Variants in LRRC18 observed in about 807,000 individuals in gnomAD.
The protein encoded by LRRC18 is leucine rich repeat containing 18.
Under a neutral mutation model 11.2 loss-of-function variants are expected in LRRC18, and 12 were observed. The observed-to-expected ratio is 1.07, with a 90% CI of 0.69 to 1.74. LRRC18 has a LOEUF of 1.74. Ranked by LOEUF, LRRC18 falls within the 40% of genes most tolerant of loss-of-function variation. The probability of loss-of-function intolerance (pLI) is 0.00; values close to 1 mark genes in which losing one functional copy is unlikely to be tolerated. For synonymous variants in LRRC18, 155 were observed against 130.6 expected, an observed-to-expected ratio of 1.19 and a Z score of -1.27; for missense variants, 374 against 330.5, an observed-to-expected ratio of 1.13 and a Z score of -1.02.
chr10:48,922,061 T>C, the LRRC18 span, among the ~76,000 whole-genome samples: 1 of 152,160 alleles, frequency 6.6e-6, no homozygotes, highest in Non-Finnish European at 1.5e-5. Context: ...AACAGAAAAA[T>C]AATAAATGTC....
upstream of LRRC18, among the ~76,000 whole-genome samples, chr10:48,914,767 C>T (rs1838350554): frequency 6.6e-6 from 1 of 152,144 alleles, no homozygotes; most frequent in South Asian, 2.1e-4. Flanking sequence ...GGCTACAGTC[C>T]AACAGTAGCC....
chr10:48,911,710 G>A (rs1303430191), intron 1 of LRRC18, among the ~76,000 whole-genome samples: 3 of 152,184 alleles, frequency 2.0e-5, no homozygotes, highest in Non-Finnish European at 4.4e-5. Flanking sequence ...AACTCTGCCA[G>A]CATTGCAGCT....
intron 1 of LRRC18, among the ~76,000 whole-genome samples, chr10:48,911,392 C>T (rs945157838): frequency 6.6e-6 from 1 of 152,162 alleles, no homozygotes; most frequent in Admixed American, 6.5e-5. Flanking sequence ...TGTTAAAAGA[C>T]ACCCTTTAAC....
At chr10:48,918,517 A>G (rs1260810723), upstream of LRRC18, among the ~76,000 whole-genome samples, 2 of 152,262 alleles carry the variant, frequency 1.3e-5, no homozygotes, top group African/African-American at 2.4e-5. Context: ...TTTAACCAAT[A>G]GGACAAAAAA....
chr10:48,914,342 C>A, upstream of LRRC18: 3 of 650,966 alleles, frequency 4.6e-6, no homozygotes, highest in Admixed American at 3.0e-5. Context: ...AAGAGGATTG[C>A]GGAGAGAAGT....
chr10:48,939,638 A>G, the LRRC18 span, among the ~76,000 whole-genome samples: 1 of 152,248 alleles, frequency 6.6e-6, no homozygotes, highest in Non-Finnish European at 1.5e-5. Context: ...AATACTTTCA[A>G]CTAATCACCA....
chr10:48,922,583 T>C, the LRRC18 span, among the ~76,000 whole-genome samples: 2 of 152,220 alleles, frequency 1.3e-5, no homozygotes, highest in African/African-American at 2.4e-5. Context: ...ACTCGTAAAT[T>C]AAACTTTATC....
At chr10:48,916,251 C>G (rs189844453), upstream of LRRC18, among the ~76,000 whole-genome samples, 3 of 152,164 alleles carry the variant, frequency 2.0e-5, no homozygotes, top group African/African-American at 7.2e-5. Context: ...AAACTTTGCA[C>G]CAGATGAGGA....
chr10:48,925,658 G>A, the LRRC18 span, among the ~76,000 whole-genome samples: 1 of 152,304 alleles, frequency 6.6e-6, no homozygotes, highest in Admixed American at 6.5e-5. Flanking sequence ...CAGAGATGAT[G>A]GTGCAGCTCA....
chr10:48,928,772 G>A, the LRRC18 span, among the ~76,000 whole-genome samples: 2 of 152,180 alleles, frequency 1.3e-5, no homozygotes, highest in Non-Finnish European at 2.9e-5. Flanking sequence ...TTTGCTGACC[G>A]CCTATCACCT....
the LRRC18 span, among the ~76,000 whole-genome samples, chr10:48,926,135 C>T: frequency 0.52 from 78,470 of 152,022 alleles, 23,593 homozygotes; most frequent in East Asian, 1. Context: ...CCTGGGGATA[C>T]ATTGCTGGCC....
chr10:48,913,689 A>G, exon 1 of LRRC18: 1 of 1,612,994 alleles, frequency 6.2e-7, no homozygotes, highest in Non-Finnish European at 8.5e-7. Context: ...GATGTTGTTC[A>G]GTAGGTTGTC....
At chr10:48,915,623 A>G (rs1347331099), upstream of LRRC18, among the ~76,000 whole-genome samples, 1 of 152,106 alleles carries the variant, frequency 6.6e-6, no homozygotes, top group Non-Finnish European at 1.5e-5. Context: ...ATATAGTTGT[A>G]TGTTTTCCTC....
At chr10:48,919,747 C>T in the LRRC18 span, among the ~76,000 whole-genome samples, 2 of 152,186 alleles carry the variant, frequency 1.3e-5, no homozygotes, top group Admixed American at 1.3e-4. Context: ...TCCTCATGAT[C>T]TAAATGCCTC....
At chr10:48,912,953 G>A (rs1256258277) in intron 1 of LRRC18, among the ~76,000 whole-genome samples, 1 of 152,196 alleles carries the variant, frequency 6.6e-6, no homozygotes, top group Non-Finnish European at 1.5e-5. Context: ...ACAAACTCAT[G>A]CTCTGAGATT....
At chr10:48,927,912 T>G in the LRRC18 span, among the ~76,000 whole-genome samples, 8 of 152,236 alleles carry the variant, frequency 5.3e-5, no homozygotes, top group East Asian at 1.5e-3. Flanking sequence ...ATTAAGATGA[T>G]TAGTTTAACA....
chr10:48,928,621 G>C, the LRRC18 span, among the ~76,000 whole-genome samples: 11 of 152,126 alleles, frequency 7.2e-5, no homozygotes, highest in Admixed American at 2.6e-4. Flanking sequence ...AGGCCCCCTC[G>C]TATCATGCTG....
the LRRC18 span, among the ~76,000 whole-genome samples, chr10:48,920,752 A>G: frequency 6.6e-5 from 10 of 152,352 alleles, 1 homozygote; most frequent in South Asian, 2.1e-3. Context: ...CTGTCCACAT[A>G]GAGAATCCCA....
At chr10:48,934,646 T>C in the LRRC18 span, among the ~76,000 whole-genome samples, 1 of 152,336 alleles carries the variant, frequency 6.6e-6, no homozygotes, top group South Asian at 2.1e-4. Flanking sequence ...ACCACCAGAC[T>C]TCTTAAAACA....
Sources: allele counts gnomAD v4.1 joint callset (sites outside exome capture counted in the v4.1 genomes callset), GRCh38; gene constraint gnomAD v4.1.1; transcripts MANE v1.5; gene names NCBI Gene and HGNC (gene_info 2026-07-23, HGNC 2026-07-21).